The following RNF14 variants were observed in gnomAD, a reference collection of about 807,000 sequenced individuals.
RNF14 encodes E3 ubiquitin-protein ligase RNF14.
RNF14 carries 26 observed loss-of-function variants against 52.6 expected under a neutral mutation model. The ratio of observed to expected loss-of-function variants is 0.49; its 90% CI spans 0.36 to 0.69. The LOEUF (loss-of-function observed/expected upper bound fraction) is 0.69, where lower values mean the gene tolerates loss of function less well. Among genes scored for constraint, RNF14 ranks in the 30% least tolerant of loss-of-function variants. The pLI is 0.00. For missense variants in RNF14, 404 were observed against 560.4 expected, an observed-to-expected ratio of 0.72 and a Z score of 2.82; for synonymous variants, 194 against 202.0, an observed-to-expected ratio of 0.96 and a Z score of 0.34.
upstream of RNF14, chr5:141,956,407 A>C (rs1164127528): frequency 1.2e-6 from 2 of 1,614,058 alleles, no homozygotes; most frequent in Non-Finnish European, 1.7e-6. Context: ...ATGAGCCTTG[A>C]TGGTAATGAG....
At chr5:141,956,024 T>C (rs745405181), upstream of RNF14, 78 of 1,613,844 alleles carry the variant, frequency 4.8e-5, no homozygotes, top group Non-Finnish European at 6.3e-5. Flanking sequence ...GAGCTGTGAG[T>C]GGCCAGTGGA....
intron 1 of RNF14, chr5:141,969,699 G>C (rs998055071): frequency 3.3e-5 from 5 of 152,262 alleles, no homozygotes; most frequent in Non-Finnish European, 7.3e-5. Flanking sequence ...GCTTGGAGTA[G>C]AAGTTCTTAG....
At chr5:141,962,237 T>G (rs978770187), upstream of RNF14, among the ~76,000 whole-genome samples, 1 of 152,104 alleles carries the variant, frequency 6.6e-6, no homozygotes, top group East Asian at 1.9e-4. Flanking sequence ...CTGGGGTCAG[T>G]GCAGAAAAAA....
upstream of RNF14, among the ~76,000 whole-genome samples, chr5:141,965,700 G>A (rs1335609595): frequency 6.6e-6 from 1 of 151,978 alleles, no homozygotes; most frequent in Non-Finnish European, 1.5e-5. Context: ...TAGCAAACTA[G>A]CACAGGAACA....
At position 141,984,732 on chromosome 5, in the gene RNF14, T is replaced by C. The variant is rs1755085935; in HGVS notation, c.1237-71T>C. 2.1e-6 allele frequency: 3 copies of C among 1,444,046 alleles called. No homozygotes were observed. The Admixed American group carries it at 5.1e-5, about 24-fold the overall frequency. 89.5% of individuals were successfully genotyped at this position (1,444,046 alleles called of 1,614,324 possible). A position where few individuals can be genotyped will look rare whatever the true frequency, so the allele number is the denominator to read the frequency against. ...AGGACCAAGACAATGTTGTACTGAA[T>C]CATTTTGGCATGTGCTGTCTCTTCT... On this transcript the variant is annotated intron_variant, in intron 7 of 8. Coordinates refer to ENST00000394520, the MANE Select transcript of RNF14 (RefSeq NM_004290.5).
intron 1 of RNF14, among the ~76,000 whole-genome samples, chr5:141,960,489 G>A (rs1331144798): frequency 1.3e-5 from 2 of 152,226 alleles, no homozygotes; most frequent in African/African-American, 2.4e-5. Flanking sequence ...CTGCAAGAGG[G>A]TCAGTGCAGT....
chr5:141,988,213 G>T lies in RNF14; in HGVS notation c.*423G>T. 1 of 158,102 alleles carries T rather than the reference G, an allele frequency of 6.3e-6. No homozygotes were observed. The highest frequency in any genetic ancestry group is 1.4e-5 in the Non-Finnish European group (1 of 71,440). 9.8% of individuals were successfully genotyped at this position (158,102 alleles called of 1,614,324 possible). On this transcript the variant is annotated 3_prime_UTR_variant, in exon 9 of 9. Coordinates refer to ENST00000394520, the MANE Select transcript of RNF14 (RefSeq NM_004290.5). Reference sequence around the variant, plus strand: ...CAGTACTATTCCTTACAACTGGAGTGGGTAGAAGCCTTATGAAAATTATAC... The same window carrying T: ...CAGTACTATTCCTTACAACTGGAGTTGGTAGAAGCCTTATGAAAATTATAC...
At chr5:141,955,705 A>G (rs1271316470), upstream of RNF14, 1 of 1,614,158 alleles carries the variant, frequency 6.2e-7, no homozygotes, top group Non-Finnish European at 8.5e-7. This position sits in a 1 kb window ranked among gnomAD's most constrained non-coding sequence, Gnocchi z 5.5. Flanking sequence ...CACCGTCAGC[A>G]TCGACATGCT....
At chr5:141,949,845 C>A in the RNF14 span, among the ~76,000 whole-genome samples, 2 of 152,154 alleles carry the variant, frequency 1.3e-5, no homozygotes, top group Non-Finnish European at 2.9e-5. Flanking sequence ...GAGGGGCCTA[C>A]CACAGAGCCT....
intron 2 of RNF14, 68 bp from the exon 3 acceptor site, chr5:141,973,515 G>A: frequency 9.4e-6 from 13 of 1,386,932 alleles, no homozygotes; most frequent in East Asian, 4.8e-5. Context: ...TGGGATTACA[G>A]GTGTGAGCCA....
the RNF14 span, chr5:141,951,398 A>G: frequency 1.1e-6 from 1 of 921,028 alleles, no homozygotes; most frequent in Non-Finnish European, 1.8e-6. Context: ...CCGGTGTCTG[A>G]CTTGTGCTCA....
intron 1 of RNF14, among the ~76,000 whole-genome samples, chr5:141,970,182 C>T (rs1353702007): frequency 6.6e-6 from 1 of 152,182 alleles, no homozygotes; most frequent in Non-Finnish European, 1.5e-5. Context: ...CCCCTCACCC[C>T]AGTGAAGAAG....
chr5:141,970,009 CAATT>C (rs1379537483), intron 1 of RNF14, among the ~76,000 whole-genome samples: 1 of 152,192 alleles, frequency 6.6e-6, no homozygotes, highest in East Asian at 1.9e-4. Flanking sequence ...AGTAGGTGCT[CAATT>C]AATGTAAATT....
At chr5:141,960,806 GGAAAA>G (rs1318297370) in intron 1 of RNF14, among the ~76,000 whole-genome samples, 5 of 152,146 alleles carry the variant, frequency 3.3e-5, no homozygotes, top group Non-Finnish European at 7.3e-5. Flanking sequence ...GCTGCACCCT[GGAAAA>G]TGGCTTGGAA....
At chr5:141,963,825 G>A (rs1333507376), upstream of RNF14, among the ~76,000 whole-genome samples, 1 of 152,156 alleles carries the variant, frequency 6.6e-6, no homozygotes, top group East Asian at 1.9e-4. Flanking sequence ...AGGAAAATGA[G>A]TCTTCCCATC....
the RNF14 span, chr5:141,949,547 C>T: frequency 6.2e-7 from 1 of 1,614,148 alleles, no homozygotes; most frequent in South Asian, 1.1e-5. Context: ...GGCCTCCAGC[C>T]CTTGCACTTG....
chr5:141,970,008 T>G (rs530132290), intron 1 of RNF14, among the ~76,000 whole-genome samples: 1 of 152,366 alleles, frequency 6.6e-6, no homozygotes, highest in Admixed American at 6.5e-5. Flanking sequence ...TAGTAGGTGC[T>G]CAATTAATGT....
chr5:141,978,250 G>A (rs1458136841), intron 4 of RNF14, 53 bp from the exon 5 acceptor site: 29 of 1,472,770 alleles, frequency 2.0e-5, no homozygotes, highest in Non-Finnish European at 2.0e-5. Context: ...CCAGGAGTTG[G>A]CAGCAGCATC....
At chr5:141,967,643 T>C (rs919968294), upstream of RNF14, among the ~76,000 whole-genome samples, 7 of 152,172 alleles carry the variant, frequency 4.6e-5, no homozygotes, top group Non-Finnish European at 1.0e-4. Flanking sequence ...TAGAATCCTG[T>C]AGGCTTGGGT....
Sources: gnomAD v4.1 joint callset for allele counts (sites outside exome capture counted in the v4.1 genomes callset) on GRCh38, gnomAD v4.1.1 for gene constraint, Gnocchi (gnomAD v3.1) non-coding constraint, MANE v1.5 for transcripts, NCBI Gene and HGNC (gene_info 2026-07-23, HGNC 2026-07-21) for gene names.